Variants in ME1 observed in about 807,000 individuals in gnomAD.
ME1 encodes NADP-dependent malic enzyme.
ME1 carries 74 observed loss-of-function variants against 66.4 expected under a neutral mutation model. That is an observed-to-expected ratio of 1.11 (90% CI 0.92 to 1.35). The LOEUF (loss-of-function observed/expected upper bound fraction) is 1.35, where lower values mean the gene tolerates loss of function less well. ME1 is among the 40% of genes most tolerant of loss of function. ME1 has a pLI of 0.00. For missense variants in ME1, 750 were observed against 694.1 expected (o/e 1.08, Z -0.90); for synonymous variants, 251 against 235.6 (o/e 1.07, Z -0.60).
At chr6:83,281,405 A>G (rs1040214187) in intron 6 of ME1, among the ~76,000 whole-genome samples, 2 of 152,244 alleles carry the variant, frequency 1.3e-5, no homozygotes, top group Admixed American at 1.3e-4. Context: ...CTGATAACTC[A>G]TCTAACAACA....
intron 3 of ME1, among the ~76,000 whole-genome samples, chr6:83,395,332 C>T (rs1769709134): frequency 6.6e-6 from 1 of 151,946 alleles, no homozygotes; most frequent in African/African-American, 2.4e-5. Context: ...GGTGATCTGC[C>T]TGCCTCAGCC....
At chr6:83,340,809 T>G (rs1312686525) in intron 5 of ME1, among the ~76,000 whole-genome samples, 1 of 152,148 alleles carries the variant, frequency 6.6e-6, no homozygotes, top group African/African-American at 2.4e-5. Flanking sequence ...CCTTAAAAGG[T>G]TGATGATCAA....
intron 6 of ME1, among the ~76,000 whole-genome samples, chr6:83,295,735 T>C (rs1767585345): frequency 6.6e-6 from 1 of 151,546 alleles, no homozygotes; most frequent in Non-Finnish European, 1.5e-5. Flanking sequence ...AATCCAGGAG[T>C]GGTTCTTTGA....
chr6:83,213,223 A>C (rs556716296), intron 13 of ME1, among the ~76,000 whole-genome samples: 1 of 151,480 alleles, frequency 6.6e-6, no homozygotes, highest in Non-Finnish European at 1.5e-5. Context: ...TCAGGAGTTC[A>C]AGACCAGCCT....
intron 6 of ME1, among the ~76,000 whole-genome samples, chr6:83,258,622 T>C (rs890991734): frequency 1.3e-5 from 2 of 152,198 alleles, no homozygotes; most frequent in Non-Finnish European, 2.9e-5. Context: ...AAATACCATA[T>C]TACAGTGACT....
rs537499165 is a variant in ME1 at position 83,348,995 on chromosome 6, A to C, written c.439-2661T>G. Among the ~76,000 whole-genome samples the C allele has an allele frequency of 1.4e-3, 209 of 144,940 alleles. 4 individuals are homozygous for C. Among genetic ancestry groups the C allele is most frequent in the East Asian group, 9.7e-3 (48 of 4,974 alleles). On this transcript the variant is annotated intron_variant, in intron 4 of 13. Transcript: ENST00000369705. ...GCAAAACTCTGTCTCAAAAAAAAAAAAAAAAACAAAAAACAAAAAACAGTG... is the reference window on the plus strand; with the variant it reads ...GCAAAACTCTGTCTCAAAAAAAAAACAAAAAACAAAAAACAAAAAACAGTG...
chr6:83,249,972 T>C lies in ME1; in HGVS notation c.814+3657A>G, dbSNP rs559006551. Among the ~76,000 whole-genome samples the C allele has an allele frequency of 1.4e-4, 22 of 152,302 alleles. No homozygotes were observed. In the South Asian group the frequency reaches 4.3e-3, roughly 30 times the overall value. On this transcript the variant is annotated intron_variant, in intron 7 of 13. Coordinates refer to ENST00000369705, the MANE Select transcript of ME1 (RefSeq NM_002395.6). The stretch of plus-strand genomic sequence containing the variant: ...TCCCATTGTCTTTTCTTTGCACAAA[T>C]ACAATAAAATATCTAACATAGATGA...
chr6:83,324,657 T>C (rs1286330341), intron 5 of ME1, among the ~76,000 whole-genome samples: 4 of 119,600 alleles, frequency 3.3e-5, no homozygotes, highest in Non-Finnish European at 6.5e-5. Flanking sequence ...AGAAGTCGAA[T>C]CCCCGAATAG....
chr6:83,329,981 C>A (rs1053880222), intron 5 of ME1, among the ~76,000 whole-genome samples: 2 of 151,992 alleles, frequency 1.3e-5, no homozygotes, highest in East Asian at 1.9e-4. Flanking sequence ...CCATACCTGG[C>A]TAATTTTATT....
chr6:83,230,032 C>T (rs544089724), intron 9 of ME1, among the ~76,000 whole-genome samples: 1 of 152,080 alleles, frequency 6.6e-6, no homozygotes, highest in South Asian at 2.1e-4. Flanking sequence ...CTATATTGCC[C>T]AGGGTTGTCT....
At chr6:83,271,884 A>G (rs970172463) in intron 6 of ME1, among the ~76,000 whole-genome samples, 1 of 152,188 alleles carries the variant, frequency 6.6e-6, no homozygotes, top group African/African-American at 2.4e-5. Flanking sequence ...TTGTGGGTAC[A>G]TAGTAGGTGT....
At chr6:83,232,951 A>C (rs1292000571) in intron 9 of ME1, among the ~76,000 whole-genome samples, 1 of 152,150 alleles carries the variant, frequency 6.6e-6, no homozygotes. Context: ...TAAAAACGAA[A>C]TTCAAACCAG....
intron 1 of ME1, among the ~76,000 whole-genome samples, chr6:83,421,131 CA>C (rs149243929): frequency 0.016 from 2,410 of 152,194 alleles, 90 homozygotes; most frequent in East Asian, 0.15. Flanking sequence ...ATGTAGATAT[CA>C]AAAAGGCAAA....
chr6:83,284,882 T>A (rs1767367525), intron 6 of ME1, among the ~76,000 whole-genome samples: 1 of 152,050 alleles, frequency 6.6e-6, no homozygotes, highest in East Asian at 1.9e-4. Flanking sequence ...ATAAAAGGCA[T>A]CCAAATAGGA....
chr6:83,372,628 G>A (rs1209715153), intron 3 of ME1, among the ~76,000 whole-genome samples: 1 of 152,156 alleles, frequency 6.6e-6, no homozygotes, highest in Admixed American at 6.5e-5. Context: ...ACTGGATTTG[G>A]TGAGGTAACT....
At chr6:83,327,368 C>T (rs758963013) in intron 5 of ME1, among the ~76,000 whole-genome samples, 13 of 152,150 alleles carry the variant, frequency 8.5e-5, no homozygotes, top group Non-Finnish European at 1.5e-4. Context: ...CTTTCAAAAG[C>T]GAATGGGAGA....
chr6:83,307,518 T>G (rs1562476372), intron 6 of ME1, among the ~76,000 whole-genome samples: 1 of 152,110 alleles, frequency 6.6e-6, no homozygotes, highest in African/African-American at 2.4e-5. Context: ...AAATTTCTTA[T>G]GAAAAGCAAA....
intron 6 of ME1, among the ~76,000 whole-genome samples, chr6:83,269,203 T>G (rs1767043687): frequency 6.6e-6 from 1 of 152,220 alleles, no homozygotes; most frequent in South Asian, 2.1e-4. Context: ...TTTCAGTTAT[T>G]GATTCATTTA....
rs751714751 is a variant in ME1 at position 83,352,066 on chromosome 6, T to C, written c.436A>G (p.Lys146Glu). ...AGTGGAAAAACATGATAACTTACCTTGATGACATCTTCTGGCCATGCATTG... is the reference window on the plus strand; with the variant it reads ...AGTGGAAAAACATGATAACTTACCTCGATGACATCTTCTGGCCATGCATTG... ...VLNAWPEDVI[K>E]AIVVTDGERI... Residue 146 changes from lysine (K) to glutamate (E), a missense_variant and splice_region_variant, in exon 4 of 14, where the codon AAG becomes GAG. Lys to Glu is a moderately conservative substitution (Grantham distance 56, BLOSUM62 1). Transcript: ENST00000369705. 1.4e-5 allele frequency: 23 copies of C among 1,596,614 alleles called. No homozygotes were observed. The highest frequency in any genetic ancestry group is 1.7e-4 in the Middle Eastern group (1 of 5,986).
Sources: gnomAD v4.1 joint callset for allele counts (sites outside exome capture counted in the v4.1 genomes callset) on GRCh38, gnomAD v4.1.1 for gene constraint, MANE v1.5 for transcripts, NCBI Gene and HGNC (gene_info 2026-07-23, HGNC 2026-07-21) for gene names.